Variants in CNTLN observed in about 807,000 individuals in gnomAD.
CNTLN encodes the protein centlein, centrosomal protein.
CNTLN carries 212 observed loss-of-function variants against 180.0 expected under a neutral mutation model. The observed-to-expected ratio is 1.18, with a 90% CI of 1.05 to 1.32. The LOEUF (loss-of-function observed/expected upper bound fraction) is 1.32. Among genes scored for constraint, CNTLN ranks in the 40% most tolerant of loss-of-function variants. The pLI is 0.00. For missense variants in CNTLN, 2,095 were observed against 1,610.9 expected (o/e 1.30, Z -5.14); for synonymous variants, 722 against 563.1 (o/e 1.28, Z -3.99).
Position 17,361,016 on chromosome 9 carries a change from G to A in CNTLN, c.1887-5601G>A, listed in dbSNP as rs140897988. ...CTTTTTCCATCAATTACTGGGAGAG[G>A]TGTGTTAAAATCTCAGTTTAAATAT... On this transcript the variant is annotated intron_variant, in intron 12 of 25. Coordinates refer to ENST00000380647, the MANE Select transcript of CNTLN (RefSeq NM_017738.4). 9.2e-4 allele frequency among the ~76,000 whole-genome samples: 140 copies of A among 152,162 alleles called. 2 individuals carry two copies. In the East Asian group the frequency reaches 0.022, roughly 24 times the overall value.
chr9:17,163,561 A>G (rs1819833016), intron 2 of CNTLN, among the ~76,000 whole-genome samples: 1 of 152,200 alleles, frequency 6.6e-6, no homozygotes, highest in Non-Finnish European at 1.5e-5. Context: ...TCCATTGAAC[A>G]GTGGGAGGAC....
intron 7 of CNTLN, among the ~76,000 whole-genome samples, chr9:17,306,144 C>CCATTT (rs1422875354): frequency 8.3e-6 from 1 of 120,186 alleles, no homozygotes; most frequent in Non-Finnish European, 1.7e-5. Context: ...TATTAGTCGT[C>CCATTT]TATTTTTTTT....
the CNTLN span, among the ~76,000 whole-genome samples, chr9:17,518,399 C>G: frequency 6.6e-6 from 1 of 152,050 alleles, no homozygotes; most frequent in African/African-American, 2.4e-5. Context: ...TGTGCTGTGG[C>G]CCTTTGAAGG....
intron 6 of CNTLN, among the ~76,000 whole-genome samples, chr9:17,290,031 G>C (rs1829261758): frequency 6.6e-6 from 1 of 152,112 alleles, no homozygotes; most frequent in Non-Finnish European, 1.5e-5. Context: ...TCTCCATCCA[G>C]CTTTTTTCCG....
Position 17,394,888 on chromosome 9 carries a change from A to C in CNTLN, c.2434A>C (p.Met812Leu). 6.2e-7 allele frequency: 1 copy of C among 1,614,122 alleles called. No homozygotes were observed. Among genetic ancestry groups the C allele is most frequent in the Non-Finnish European group, 8.5e-7 (1 of 1,179,978 alleles). The change falls in exon 15 of 26, where the codon ATG becomes CTG. Residue 812 changes from methionine (M) to leucine (L), a missense_variant. Transcript: ENST00000380647. ...ADRAKSEMATMKVRSGRYDCK... is the reference protein window; with the variant it reads ...ADRAKSEMATLKVRSGRYDCK... The stretch of plus-strand genomic sequence containing the variant: ...CAGAGCTAAATCCGAGATGGCCACC[A>C]TGAAAGTGAGATCTGGACGATATGA...
the CNTLN span, among the ~76,000 whole-genome samples, chr9:17,509,107 G>T: frequency 2.0e-5 from 3 of 152,222 alleles, no homozygotes; most frequent in Non-Finnish European, 4.4e-5. Context: ...TCTGAGCAAA[G>T]TGGCCATGGT....
intron 13 of CNTLN, among the ~76,000 whole-genome samples, chr9:17,376,678 C>T (rs1041986228): frequency 6.6e-6 from 1 of 152,070 alleles, no homozygotes; most frequent in African/African-American, 2.4e-5. Context: ...GTCTCGATCT[C>T]CTGACCTCGT....
chr9:17,439,408 C>A (rs1829977452), intron 18 of CNTLN, among the ~76,000 whole-genome samples: 2 of 151,988 alleles, frequency 1.3e-5, no homozygotes, highest in South Asian at 4.2e-4. Context: ...AAAAAGTTAA[C>A]TTAAAAATAT....
At chr9:17,380,174 G>A (rs1009570845) in intron 13 of CNTLN, among the ~76,000 whole-genome samples, 2 of 152,180 alleles carry the variant, frequency 1.3e-5, no homozygotes, top group Non-Finnish European at 2.9e-5. Context: ...AGAAATGAGG[G>A]TTGTCTCATT....
At chr9:17,377,283 C>A (rs972118296) in intron 13 of CNTLN, among the ~76,000 whole-genome samples, 3 of 152,190 alleles carry the variant, frequency 2.0e-5, no homozygotes, top group Non-Finnish European at 4.4e-5. Flanking sequence ...CGGTGGCTCA[C>A]GCCTGTAATC....
chr9:17,217,467 T>C (rs1264867356), intron 2 of CNTLN, among the ~76,000 whole-genome samples: 4 of 152,228 alleles, frequency 2.6e-5, no homozygotes, highest in African/African-American at 9.6e-5. Context: ...ATTCAGCTGG[T>C]GTTGTACCAA....
chr9:17,478,135 A>G (rs1319153694), intron 23 of CNTLN, among the ~76,000 whole-genome samples: 2 of 152,238 alleles, frequency 1.3e-5, no homozygotes, highest in East Asian at 3.8e-4. Context: ...AGTATTTTTA[A>G]TTAAGATATG....
intron 8 of CNTLN, among the ~76,000 whole-genome samples, chr9:17,322,375 CTTG>C (rs1189659362): frequency 2.0e-5 from 3 of 151,950 alleles, no homozygotes; most frequent in African/African-American, 7.2e-5. Context: ...AAAATTTGAA[CTTG>C]TTATCATTCA....
At position 17,262,303 on chromosome 9, in the gene CNTLN, T is replaced by C. The variant is rs962889777; in HGVS notation, c.850-11430T>C. On this transcript the variant is annotated intron_variant, in intron 5 of 25. Coordinates refer to ENST00000380647, the MANE Select transcript of CNTLN (RefSeq NM_017738.4). ...ATGTTTATTGCAGCACTATGTACAATAGCAAAGACTTGGAACCAACCCAAA... is the reference window on the plus strand; with the variant it reads ...ATGTTTATTGCAGCACTATGTACAACAGCAAAGACTTGGAACCAACCCAAA... Among the ~76,000 whole-genome samples the C allele has an allele frequency of 5.3e-5, 8 of 151,516 alleles. 1 individual carries two copies. In the East Asian group the frequency reaches 1.5e-3, roughly 29 times the overall value.
In CNTLN at chr9:17,215,215, G is replaced by C. The variant is rs181878017; in HGVS notation, c.450-10988G>C. 5.5e-3 allele frequency among the ~76,000 whole-genome samples: 834 copies of C among 152,246 alleles called. 6 individuals carry two copies. Among genetic ancestry groups the C allele is most frequent in the Admixed American group, 8.0e-3 (123 of 15,292 alleles). ...ACCTTTGGTCTTTGATGATGGTGACGTACAGATGGGGTTTTGGTGTGGATG... is the reference window on the plus strand; with the variant it reads ...ACCTTTGGTCTTTGATGATGGTGACCTACAGATGGGGTTTTGGTGTGGATG... On this transcript the variant is annotated intron_variant, in intron 2 of 25. Transcript: ENST00000380647.
At chr9:17,290,896 G>T (rs1328447851) in intron 6 of CNTLN, among the ~76,000 whole-genome samples, 3 of 152,186 alleles carry the variant, frequency 2.0e-5, no homozygotes, top group Non-Finnish European at 4.4e-5. Context: ...CCACTGGCCT[G>T]CGCCCACTGT....
At chr9:17,247,441 CCTGTGCT>C (rs1825859462) in intron 5 of CNTLN, among the ~76,000 whole-genome samples, 1 of 152,118 alleles carries the variant, frequency 6.6e-6, no homozygotes, top group Non-Finnish European at 1.5e-5. Flanking sequence ...TTCCACAGTC[CCTGTGCT>C]CTGCCTCTCC....
chr9:17,310,352 A>G (rs1427578823), intron 8 of CNTLN, among the ~76,000 whole-genome samples: 1 of 152,164 alleles, frequency 6.6e-6, no homozygotes, highest in Non-Finnish European at 1.5e-5. Flanking sequence ...GGGTTAGGCA[A>G]TTTTGACTCA....
At chr9:17,205,046 C>G (rs915016339) in intron 2 of CNTLN, among the ~76,000 whole-genome samples, 1 of 152,134 alleles carries the variant, frequency 6.6e-6, no homozygotes, top group Admixed American at 6.5e-5. Flanking sequence ...TCACCAAGCT[C>G]GATCATCCCA....
Sources: gnomAD v4.1 joint callset for allele counts (sites outside exome capture counted in the v4.1 genomes callset) on GRCh38, gnomAD v4.1.1 for gene constraint, MANE v1.5 for transcripts, NCBI Gene and HGNC (gene_info 2026-07-23, HGNC 2026-07-21) for gene names.